The following SEMA3C variants were observed in gnomAD, a reference collection of about 807,000 sequenced individuals.
SEMA3C encodes the protein semaphorin-3C.
SEMA3C carries 47 observed loss-of-function variants against 89.4 expected under a neutral mutation model. The observed-to-expected ratio is 0.53, with a 90% confidence interval of 0.42 to 0.67. The LOEUF (loss-of-function observed/expected upper bound fraction) is 0.67. Ranked by LOEUF, SEMA3C falls within the 30% of genes least tolerant of loss-of-function variation. The pLI is 0.00. For synonymous variants in SEMA3C, 310 were observed against 320.2 expected (o/e 0.97, Z 0.34); for missense variants, 839 against 929.1 (o/e 0.90, Z 1.26).
Position 80,761,624 on chromosome 7 carries a change from A to G in SEMA3C, c.1477T>C (p.Ser493Pro). ...HAPITTMKIS[S>P]KKQQLYVSSN... is the part of the protein sequence containing the mutation. ...AATAGCTTAGTTTTTACCTTTTTAGATGAAATTTTCATTGTTGTTATAGGA... is the reference window on the plus strand; with the variant it reads ...AATAGCTTAGTTTTTACCTTTTTAGGTGAAATTTTCATTGTTGTTATAGGA... Residue 493 changes from serine (S) to proline (P), a missense_variant, in exon 14 of 18, where the codon TCT (serine) becomes CCT (proline). Physicochemically the swap from Ser to Pro is moderately conservative, Grantham distance 74. Coordinates refer to ENST00000265361, the MANE Select transcript of SEMA3C (RefSeq NM_006379.5). 1 of 1,336,818 alleles carries G rather than the reference A, an allele frequency of 7.5e-7. No homozygotes were observed. Among genetic ancestry groups the G allele is most frequent in the Non-Finnish European group, 1.0e-6 (1 of 964,818 alleles). The allele number at this position is 1,336,818 out of a possible 1,614,324, so 82.8% of individuals were successfully genotyped here. A position where few individuals can be genotyped will look rare whatever the true frequency, so the allele number is the denominator to read the frequency against.
intron 2 of SEMA3C, among the ~76,000 whole-genome samples, chr7:80,848,893 T>G (rs1790448739): frequency 6.6e-6 from 1 of 152,184 alleles, no homozygotes; most frequent in Non-Finnish European, 1.5e-5. Context: ...GTTATAAAAT[T>G]TAGATAGAAA....
intron 2 of SEMA3C, among the ~76,000 whole-genome samples, chr7:80,909,727 T>A (rs1288668060): frequency 6.6e-6 from 1 of 152,130 alleles, no homozygotes; most frequent in Non-Finnish European, 1.5e-5. Flanking sequence ...TCAAACGAGC[T>A]CTTGATTACA....
At chr7:80,783,702 T>C (rs185306001) in intron 12 of SEMA3C, among the ~76,000 whole-genome samples, 16 of 152,328 alleles carry the variant, frequency 1.1e-4, no homozygotes, top group African/African-American at 3.4e-4. Context: ...TTCCAAGAGA[T>C]GCAACTGCCA....
At chr7:80,871,453 T>C (rs1583963765) in intron 2 of SEMA3C, among the ~76,000 whole-genome samples, 1 of 152,212 alleles carries the variant, frequency 6.6e-6, no homozygotes, top group South Asian at 2.1e-4. Context: ...ATTCAAACAT[T>C]ATGCTAATTT....
chr7:80,778,914 T>G (rs546936286), intron 12 of SEMA3C, among the ~76,000 whole-genome samples: 1 of 152,284 alleles, frequency 6.6e-6, no homozygotes, highest in African/African-American at 2.4e-5. Context: ...TTGGTAAATA[T>G]TCTTTATTTT....
intron 17 of SEMA3C, among the ~76,000 whole-genome samples, chr7:80,745,854 C>CT (rs1787788355): frequency 6.6e-6 from 1 of 151,882 alleles, no homozygotes; most frequent in South Asian, 2.1e-4. Flanking sequence ...TATCAAGGGC[C>CT]TTTTTCAATT....
chr7:80,909,120 T>C (rs1792086389), intron 2 of SEMA3C, among the ~76,000 whole-genome samples: 1 of 152,122 alleles, frequency 6.6e-6, no homozygotes, highest in South Asian at 2.1e-4. Context: ...CATTTATTTT[T>C]ACTCAGATAT....
Position 80,868,661 on chromosome 7 carries a change from A to G in SEMA3C, c.104-39916T>C, listed in dbSNP as rs77797637. Among the ~76,000 whole-genome samples, 1,024 of 152,218 alleles carry G rather than the reference A, an allele frequency of 6.7e-3. 56 individuals are homozygous for G. The East Asian group carries it at 0.13, about 19-fold the overall frequency. ...GATGACCATATACTTTCCTTTCTCT[A>G]TAAGCAAAAATATTCATGAAATTCA... is the stretch of plus-strand genomic sequence containing the variant. On this transcript the variant is annotated intron_variant, in intron 2 of 17. Coordinates refer to ENST00000265361, the MANE Select transcript of SEMA3C (RefSeq NM_006379.5).
chr7:80,816,259 T>C (rs902120359), intron 5 of SEMA3C: 2 of 152,134 alleles, frequency 1.3e-5, no homozygotes, highest in Non-Finnish European at 2.9e-5. Context: ...CACAGACCAA[T>C]GAAGGATGGT....
At position 80,743,149 on chromosome 7, in the gene SEMA3C, C is replaced by A. The variant is rs934327945; in HGVS notation, c.*1745G>T. 6.6e-6 allele frequency: 1 copy of A among 151,848 alleles called. No individual in the cohort carries two copies. The highest frequency in any genetic ancestry group is 1.9e-4 in the East Asian group (1 of 5,196). 9.4% of individuals were successfully genotyped at this position (151,848 alleles called of 1,614,324 possible). A position where few individuals can be genotyped will look rare whatever the true frequency, so the allele number is the denominator to read the frequency against. ...AAGAAGTTTAATTATACCTTTTAAG[C>A]AGGCAAACCATTATAATAAACTGCT... On this transcript the variant is annotated 3_prime_UTR_variant, in exon 18 of 18. Coordinates refer to ENST00000265361, the MANE Select transcript of SEMA3C (RefSeq NM_006379.5).
intron 7 of SEMA3C, among the ~76,000 whole-genome samples, chr7:80,804,974 G>C (rs1309384308): frequency 2.6e-5 from 4 of 151,820 alleles, no homozygotes; most frequent in African/African-American, 7.3e-5. Flanking sequence ...TTTTGTTTTT[G>C]TTTTTGTTTT....
chr7:80,922,133 A>G (rs570108067), upstream of SEMA3C: 10 of 564,382 alleles, frequency 1.8e-5, no homozygotes, highest in African/African-American at 1.6e-4. Flanking sequence ...TGAAGTTACA[A>G]TTTTCAATGA....
At chr7:80,870,122 C>G (rs867967452) in intron 2 of SEMA3C, among the ~76,000 whole-genome samples, 1 of 152,144 alleles carries the variant, frequency 6.6e-6, no homozygotes, top group South Asian at 2.1e-4. Context: ...TTCCACTGCA[C>G]GGCTTCTTAC....
intron 2 of SEMA3C, among the ~76,000 whole-genome samples, chr7:80,893,237 G>A (rs1167223174): frequency 6.6e-6 from 1 of 152,136 alleles, no homozygotes; most frequent in African/African-American, 2.4e-5. Context: ...CGTTTGGACA[G>A]TTCATGAGCC....
intron 12 of SEMA3C, among the ~76,000 whole-genome samples, chr7:80,772,270 T>G (rs1406847107): frequency 6.6e-6 from 1 of 152,212 alleles, no homozygotes; most frequent in Non-Finnish European, 1.5e-5. Context: ...TGCTAAAATC[T>G]TTTAATAGTG....
Position 80,800,843 on chromosome 7 carries a change from AT to A in SEMA3C, c.917-18del, listed in dbSNP as rs774678489. The A allele has an allele frequency of 1.2e-4, 175 of 1,471,114 alleles. 1 individual carries two copies. The South Asian group carries it at 2.3e-3, about 19-fold the overall frequency. The allele number at this position is 1,471,114 out of a possible 1,614,324, so 91.1% of individuals were successfully genotyped here. On this transcript the variant is annotated intron_variant, in intron 9 of 17. Coordinates refer to ENST00000265361, the MANE Select transcript of SEMA3C (RefSeq NM_006379.5). The stretch of plus-strand genomic sequence containing the variant: ...ACACATCCTCTATAAAAAGGAAAAT[AT>A]TCTTTTAAAGTTTCTAAATATTAAC...
At chr7:80,848,445 T>C (rs996087598) in intron 2 of SEMA3C, among the ~76,000 whole-genome samples, 6 of 152,164 alleles carry the variant, frequency 3.9e-5, no homozygotes, top group Non-Finnish European at 7.3e-5. Flanking sequence ...TACTATCTAC[T>C]AGACGATAAC....
At chr7:80,850,332 G>A (rs1353085361) in intron 2 of SEMA3C, among the ~76,000 whole-genome samples, 2 of 152,120 alleles carry the variant, frequency 1.3e-5, no homozygotes, top group Non-Finnish European at 2.9e-5. Context: ...AATGTTAACA[G>A]CAGTCTTATT....
At chr7:80,799,175 C>G (rs1310453761) in intron 10 of SEMA3C, among the ~76,000 whole-genome samples, 1 of 152,106 alleles carries the variant, frequency 6.6e-6, no homozygotes, top group African/African-American at 2.4e-5. Flanking sequence ...TTAAAGACAT[C>G]TTTTTAGACA....
Sources: allele counts gnomAD v4.1 joint callset (sites outside exome capture counted in the v4.1 genomes callset), GRCh38; gene constraint gnomAD v4.1.1; transcripts MANE v1.5; gene names NCBI Gene and HGNC (gene_info 2026-07-23, HGNC 2026-07-21).